The following SRRM4 variants were observed in gnomAD, a reference collection of about 807,000 sequenced individuals.
The protein encoded by SRRM4 is serine/arginine repetitive matrix 4, also known as serine/arginine repetitive matrix protein 4.
SRRM4 carries 33 observed loss-of-function variants against 68.9 expected under a neutral mutation model. That is an observed-to-expected ratio of 0.48 (90% CI 0.36 to 0.64). SRRM4 has a LOEUF of 0.64. Among genes scored for constraint, SRRM4 ranks in the 30% least tolerant of loss-of-function variants. The pLI is 0.00. For missense variants in SRRM4, 817 were observed against 827.1 expected (o/e 0.99, Z 0.15); for synonymous variants, 318 against 318.8 (o/e 1.00, Z 0.03).
chr12:118,985,879 G>A (rs938845944), intron 1 of SRRM4, among the ~76,000 whole-genome samples: 1 of 152,088 alleles, frequency 6.6e-6, no homozygotes, highest in Non-Finnish European at 1.5e-5. Flanking sequence ...TTTGAAATTT[G>A]CATATCAATT....
chr12:119,125,295 C>A, intron 6 of SRRM4, 86 bp from the exon 7 acceptor site: 1 of 1,241,056 alleles, frequency 8.1e-7, no homozygotes, highest in Non-Finnish European at 1.2e-6. Flanking sequence ...AAAGGAAAAA[C>A]GGGTGTCACA....
rs1369846417 is a variant in SRRM4 at position 119,162,273 on chromosome 12, T to C, written c.*5475T>C. On this transcript the variant is annotated 3_prime_UTR_variant, in exon 13 of 13. Coordinates refer to ENST00000267260, the MANE Select transcript of SRRM4 (RefSeq NM_194286.4). Reference sequence around the variant, plus strand: ...TCATAGTCGTTGAGTCCCACAGTCATATATGGGAGACCTCAAGTTGCTGTC... The same window carrying C: ...TCATAGTCGTTGAGTCCCACAGTCACATATGGGAGACCTCAAGTTGCTGTC... The C allele has an allele frequency of 6.6e-6, 1 of 152,220 alleles. No individual in the cohort carries two copies. The allele number at this position is 152,220 out of a possible 1,614,324, so 9.4% of individuals were successfully genotyped here. A position where few individuals can be genotyped will look rare whatever the true frequency, so the allele number is the denominator to read the frequency against.
In SRRM4 at chr12:119,070,098, G is replaced by C. The variant is rs1311627775; in HGVS notation, c.132-32138G>C. Among the ~76,000 whole-genome samples, 3 of 151,940 alleles carry C rather than the reference G, an allele frequency of 2.0e-5. No individual in the cohort carries two copies. In the East Asian group the frequency reaches 5.8e-4, roughly 29 times the overall value. On this transcript the variant is annotated intron_variant, in intron 1 of 12. Coordinates refer to ENST00000267260, the MANE Select transcript of SRRM4 (RefSeq NM_194286.4). ...AATCTTGATCCTTCTTAAAATTTGT[G>C]CATGAAGTACCTGATTTTGAAATGT...
chr12:119,054,731 A>T (rs1953766229), intron 1 of SRRM4, among the ~76,000 whole-genome samples: 1 of 152,212 alleles, frequency 6.6e-6, no homozygotes, highest in South Asian at 2.1e-4. Context: ...GAGCAATGTC[A>T]TCCCTGTATT....
intron 1 of SRRM4, among the ~76,000 whole-genome samples, chr12:119,063,696 T>C (rs1390697678): frequency 1.3e-5 from 2 of 152,228 alleles, no homozygotes; most frequent in Admixed American, 1.3e-4. Flanking sequence ...ATTTTACAAA[T>C]GCTAGACATT....
At chr12:118,985,095 T>A (rs1438523345) in intron 1 of SRRM4, among the ~76,000 whole-genome samples, 6 of 152,202 alleles carry the variant, frequency 3.9e-5, no homozygotes, top group South Asian at 2.1e-4. Context: ...CTCCTCATCA[T>A]TGTGTTCTCC....
intron 1 of SRRM4, among the ~76,000 whole-genome samples, chr12:119,088,393 C>G (rs1953992563): frequency 6.6e-6 from 1 of 152,154 alleles, no homozygotes; most frequent in South Asian, 2.1e-4. Flanking sequence ...CCACAGGGCT[C>G]CTCACCAAGC....
intron 1 of SRRM4, among the ~76,000 whole-genome samples, chr12:119,100,464 T>C (rs1293201069): frequency 6.6e-6 from 1 of 151,884 alleles, no homozygotes; most frequent in Non-Finnish European, 1.5e-5. Context: ...CACTCCATCC[T>C]GGACAACACA....
intron 2 of SRRM4, among the ~76,000 whole-genome samples, chr12:119,104,637 G>T (rs955498633): frequency 1.1e-4 from 16 of 151,938 alleles, no homozygotes; most frequent in Non-Finnish European, 2.2e-4. Context: ...TGTTGACGAT[G>T]ATCAAGATGA....
At chr12:119,038,509 C>G (rs1490265155) in intron 1 of SRRM4, among the ~76,000 whole-genome samples, 1 of 152,200 alleles carries the variant, frequency 6.6e-6, no homozygotes, top group Non-Finnish European at 1.5e-5. Flanking sequence ...CCGCACCCGG[C>G]CGAAATTAAA....
intron 8 of SRRM4, among the ~76,000 whole-genome samples, chr12:119,137,075 A>G (rs1436110864): frequency 6.6e-6 from 1 of 152,098 alleles, no homozygotes; most frequent in Non-Finnish European, 1.5e-5. Flanking sequence ...AAAGGAAAAT[A>G]AACTTAATGT....
intron 2 of SRRM4, 127 bp from the exon 3 acceptor site, chr12:119,114,151 G>A: frequency 1.5e-6 from 1 of 666,828 alleles, no homozygotes; most frequent in East Asian, 2.8e-5. Flanking sequence ...CCATGAGGTG[G>A]TAATGAGGCA....
rs143208710 is a variant in SRRM4, at chr12:119,101,027, T to C, written c.132-1209T>C. Among the ~76,000 whole-genome samples, 692 of 152,272 alleles carry C rather than the reference T, an allele frequency of 4.5e-3. 8 individuals carry two copies. The highest frequency in any genetic ancestry group is 5.9e-3 in the Non-Finnish European group (403 of 68,024). The stretch of plus-strand genomic sequence containing the variant: ...GTGTTTTGCTGCCCTTCCTTCAATA[T>C]TGACTGGGCTTGACTTGCTCTCTTA... On this transcript the variant is annotated intron_variant, in intron 1 of 12. Transcript: ENST00000267260.
intron 1 of SRRM4, among the ~76,000 whole-genome samples, chr12:118,995,864 A>G (rs1003809935): frequency 1.3e-5 from 2 of 152,168 alleles, no homozygotes; most frequent in African/African-American, 4.8e-5. Flanking sequence ...CCACCTATTC[A>G]TCCATCCATC....
chr12:119,133,901 T>C (rs1301114219), intron 8 of SRRM4, among the ~76,000 whole-genome samples: 1 of 152,150 alleles, frequency 6.6e-6, no homozygotes, highest in East Asian at 1.9e-4. Flanking sequence ...CAGATGCTTA[T>C]TTGGGGGTGC....
At chr12:119,149,835 A>G (rs1341946013) in intron 9 of SRRM4, among the ~76,000 whole-genome samples, 1 of 152,144 alleles carries the variant, frequency 6.6e-6, no homozygotes, top group Non-Finnish European at 1.5e-5. Flanking sequence ...GAGCCTTGAA[A>G]ACCATATTAA....
Position 119,122,133 on chromosome 12 carries a change from T to C in SRRM4, c.515+13T>C. On this transcript the variant is annotated intron_variant, in intron 6 of 12. Transcript: ENST00000267260. ...GGCACAAGAAACAGTAAGTAGATAC[T>C]ACCTGGAATGTACTCATCAGTTTGA... 6.3e-7 allele frequency: 1 copy of C among 1,584,348 alleles called. No individual in the cohort carries two copies. The highest frequency in any genetic ancestry group is 8.7e-7 in the Non-Finnish European group (1 of 1,152,880).
intron 1 of SRRM4, chr12:119,000,656 T>C (rs1226198708): frequency 2.0e-5 from 3 of 152,232 alleles, no homozygotes; most frequent in East Asian, 1.9e-4. Flanking sequence ...CATTGGAACA[T>C]AGATTTTGTG....
At position 119,156,642 on chromosome 12, in the gene SRRM4, A is replaced by G; in HGVS notation, c.1680A>G (p.Arg560=). Residue 560 remains arginine, a synonymous_variant, in exon 13 of 13, where the codon AGA becomes AGG. Coordinates refer to ENST00000267260, the MANE Select transcript of SRRM4 (RefSeq NM_194286.4). ...SRSRSRSRSR[R]RSRTRTSSSS... is the part of the protein sequence containing the mutation. Reference sequence around the variant, plus strand: ...GCCGGAGTCGGAGCCGGAGCCGGAGACGGAGCCGGACCCGCACGAGCAGCA... The same window carrying G: ...GCCGGAGTCGGAGCCGGAGCCGGAGGCGGAGCCGGACCCGCACGAGCAGCA... The G allele has an allele frequency of 6.3e-7, 1 of 1,586,376 alleles. No individual in the cohort carries two copies. The highest frequency in any genetic ancestry group is 8.6e-7 in the Non-Finnish European group (1 of 1,168,170).
Sources: gnomAD v4.1 joint callset for allele counts (sites outside exome capture counted in the v4.1 genomes callset) on GRCh38, gnomAD v4.1.1 for gene constraint, MANE v1.5 for transcripts, NCBI Gene and HGNC (gene_info 2026-07-23, HGNC 2026-07-21) for gene names.